HPSE2: variants seen among roughly 807,000 people sequenced by gnomAD.
HPSE2 encodes the protein inactive heparanase-2.
A neutral mutation model predicts 60.5 loss-of-function variants in HPSE2; 38 were observed. The observed-to-expected ratio is 0.63, with a 90% CI of 0.48 to 0.82. The LOEUF is 0.82. Ranked by LOEUF, HPSE2 falls within the 40% of genes least tolerant of loss-of-function variation. The pLI is 0.00. For missense variants in HPSE2, 713 were observed against 740.4 expected (o/e 0.96, Z 0.43); for synonymous variants, 295 against 293.2 (o/e 1.01, Z -0.06).
chr10:99,002,487 CA>C, intron 3 of HPSE2, among the ~76,000 whole-genome samples: 1 of 152,026 alleles, frequency 6.6e-6, no homozygotes, highest in East Asian at 1.9e-4. Context: ...GACTTATAAC[CA>C]AATCTATAAC....
At chr10:98,876,069 T>A (rs1157378927) in intron 3 of HPSE2, among the ~76,000 whole-genome samples, 2 of 151,796 alleles carry the variant, frequency 1.3e-5, no homozygotes, top group African/African-American at 4.8e-5. Flanking sequence ...CTTAATGGGG[T>A]TCATGTGAGG....
rs193233174 is a variant in HPSE2 at position 98,550,612 on chromosome 10, C to T, written c.1321-60416G>A. On this transcript the variant is annotated intron_variant, in intron 9 of 11. Transcript: ENST00000370552. Reference sequence around the variant, plus strand: ...GCCCCTGAGTAGCTGGGACTACAGGCGCCCGCCACCACGCCTGGCTAATTT... The same window carrying T: ...GCCCCTGAGTAGCTGGGACTACAGGTGCCCGCCACCACGCCTGGCTAATTT... Among the ~76,000 whole-genome samples, 335 of 151,972 alleles carry T rather than the reference C, an allele frequency of 2.2e-3. 3 individuals are homozygous for T. Among genetic ancestry groups the T allele is most frequent in the African/African-American group, 7.2e-3 (297 of 41,444 alleles).
intron 3 of HPSE2, among the ~76,000 whole-genome samples, chr10:99,074,278 T>C (rs919659179): frequency 2.0e-5 from 3 of 152,194 alleles, no homozygotes; most frequent in African/African-American, 7.2e-5. Context: ...GTGTTGAATT[T>C]TGTCAAATTT....
intron 3 of HPSE2, among the ~76,000 whole-genome samples, chr10:98,941,923 C>T (rs1350688461): frequency 2.1e-5 from 3 of 142,196 alleles, no homozygotes; most frequent in African/African-American, 2.9e-5. Flanking sequence ...AGAAATAATG[C>T]CACATATCTA....
At chr10:98,466,621 A>G (rs1431223530) in intron 11 of HPSE2, among the ~76,000 whole-genome samples, 11 of 151,924 alleles carry the variant, frequency 7.2e-5, no homozygotes, top group African/African-American at 9.7e-5. Context: ...AAAAAAAAAA[A>G]AAAAAAGAAA....
intron 3 of HPSE2, among the ~76,000 whole-genome samples, chr10:99,137,485 T>C (rs1564837439): frequency 6.6e-6 from 1 of 152,184 alleles, no homozygotes; most frequent in Non-Finnish European, 1.5e-5. Flanking sequence ...GCTACCTGAC[T>C]TCAAATTATA....
chr10:99,216,854 A>T (rs1315975794), intron 2 of HPSE2, among the ~76,000 whole-genome samples: 1 of 152,170 alleles, frequency 6.6e-6, no homozygotes, highest in African/African-American at 2.4e-5. Context: ...GCCCCCTTTA[A>T]GAACAGGAAG....
intron 7 of HPSE2, among the ~76,000 whole-genome samples, chr10:98,632,191 G>A (rs1192244559): frequency 6.6e-6 from 1 of 151,928 alleles, no homozygotes; most frequent in Admixed American, 6.6e-5. Context: ...GCAAATCACT[G>A]GTTTATTTAA....
chr10:98,573,197 A>G (rs1432489187), intron 9 of HPSE2, among the ~76,000 whole-genome samples: 1 of 152,246 alleles, frequency 6.6e-6, no homozygotes, highest in African/African-American at 2.4e-5. Flanking sequence ...TCAATAAATG[A>G]CATTTAATAA....
chr10:98,499,830 A>C (rs1470614390), intron 9 of HPSE2, among the ~76,000 whole-genome samples: 1 of 152,214 alleles, frequency 6.6e-6, no homozygotes, highest in African/African-American at 2.4e-5. Context: ...GGAAAAAGGC[A>C]TTTCATGCAA....
At chr10:99,243,178 C>G in the HPSE2 span, among the ~76,000 whole-genome samples, 20 of 151,988 alleles carry the variant, frequency 1.3e-4, no homozygotes, top group Non-Finnish European at 7.4e-5. Flanking sequence ...TCCATGAAAC[C>G]CTGTCTCTAC....
chr10:98,611,602 T>C (rs1428678180), intron 9 of HPSE2, among the ~76,000 whole-genome samples: 1 of 152,196 alleles, frequency 6.6e-6, no homozygotes, highest in African/African-American at 2.4e-5. Context: ...TGGCAACCAG[T>C]ACGATTCCCA....
At chr10:99,191,265 TA>T (rs1175459740) in intron 2 of HPSE2, among the ~76,000 whole-genome samples, 1 of 151,856 alleles carries the variant, frequency 6.6e-6, no homozygotes, top group Admixed American at 6.6e-5. Context: ...GTAGACCCCT[TA>T]GGTGGCAGCC....
intron 6 of HPSE2, among the ~76,000 whole-genome samples, chr10:98,661,195 A>G (rs989096307): frequency 6.6e-6 from 1 of 152,248 alleles, no homozygotes; most frequent in African/African-American, 2.4e-5. Context: ...TATCTCCTTC[A>G]AAGGATACAT....
At chr10:98,729,408 A>G (rs7069711) in intron 4 of HPSE2, among the ~76,000 whole-genome samples, 143,939 of 152,140 alleles carry the variant, frequency 0.95, 68,579 homozygotes, top group East Asian at 1. Context: ...AGGAGATCAA[A>G]ACCATCCTGG....
At chr10:99,208,141 A>G (rs73337461) in intron 2 of HPSE2, among the ~76,000 whole-genome samples, 4,195 of 151,830 alleles carry the variant, frequency 0.028, 192 homozygotes, top group African/African-American at 0.096. Flanking sequence ...AAAATATCTT[A>G]TTGTAATGTA....
intron 3 of HPSE2, among the ~76,000 whole-genome samples, chr10:98,852,113 A>ATATATATATG (rs779720749): frequency 4.9e-3 from 448 of 91,898 alleles, no homozygotes; most frequent in Middle Eastern, 6.4e-3. Flanking sequence ...GTATATTATG[A>ATATATATATG]TGTGTGTGTG....
intron 3 of HPSE2, among the ~76,000 whole-genome samples, chr10:98,844,613 T>C (rs1371721009): frequency 4.6e-5 from 7 of 152,166 alleles, no homozygotes; most frequent in Admixed American, 4.6e-4. Context: ...CTTGAACCCA[T>C]GTCCACACCA....
chr10:98,809,300 T>C (rs185853929), intron 3 of HPSE2, among the ~76,000 whole-genome samples: 29 of 152,256 alleles, frequency 1.9e-4, no homozygotes, highest in Admixed American at 9.8e-4. Context: ...GGGTTCATTA[T>C]ATAATTCTCT....
Sources: gnomAD v4.1 joint callset for allele counts (sites outside exome capture counted in the v4.1 genomes callset) on GRCh38, gnomAD v4.1.1 for gene constraint, MANE v1.5 for transcripts, NCBI Gene and HGNC (gene_info 2026-07-23, HGNC 2026-07-21) for gene names.